Variants in IFT57 observed in about 807,000 individuals in gnomAD.
The protein encoded by IFT57 is intraflagellar transport protein 57 homolog.
A neutral mutation model predicts 56.8 loss-of-function variants in IFT57; 59 were observed. The ratio of observed to expected loss-of-function variants is 1.04; its 90% CI spans 0.84 to 1.29. The LOEUF (loss-of-function observed/expected upper bound fraction) is 1.29, where lower values mean the gene tolerates loss of function less well. Among genes scored for constraint, IFT57 ranks in the 50% most tolerant of loss-of-function variants. The probability of loss-of-function intolerance (pLI) is 0.00; values close to 1 mark genes in which losing one functional copy is unlikely to be tolerated. For synonymous variants in IFT57, 209 were observed against 186.1 expected (o/e 1.12, Z -1.00); for missense variants, 470 against 522.1 (o/e 0.90, Z 0.97).
intron 6 of IFT57, among the ~76,000 whole-genome samples, chr3:108,190,740 T>A (rs1437198575): frequency 2.6e-5 from 4 of 152,232 alleles, no homozygotes; most frequent in African/African-American, 7.2e-5. Flanking sequence ...GGCAAGTTAA[T>A]CTGGTCTAAT....
rs12695179 is a variant in IFT57, at chr3:108,184,100, G to A, written c.777+7421C>T. Among the ~76,000 whole-genome samples the A allele has an allele frequency of 4.6e-3, 705 of 152,252 alleles. 3 individuals are homozygous for A. The highest frequency in any genetic ancestry group is 0.016 in the African/African-American group (668 of 41,552). ...TAGTTTAGGCATCCTCAGACAGTCA[G>A]TTTCTAAGAAATGGACTCCTGAGCC... On this transcript the variant is annotated intron_variant, in intron 6 of 10. Coordinates refer to ENST00000264538, the MANE Select transcript of IFT57 (RefSeq NM_018010.4).
At position 108,166,976 on chromosome 3, in the gene IFT57, C is replaced by A; in HGVS notation, c.859G>T (p.Asp287Tyr). 6.2e-7 allele frequency: 1 copy of A among 1,602,928 alleles called. No homozygotes were observed. The highest frequency in any genetic ancestry group is 1.7e-5 in the Admixed American group (1 of 58,298). ...CTAGTAATTTCATTATGGAGTTTGTCCAAAAATCCCTAGAAATTCCATGGA... is the reference window on the plus strand; with the variant it reads ...CTAGTAATTTCATTATGGAGTTTGTACAAAAATCCCTAGAAATTCCATGGA... ...SALKETKGFL[D>Y]KLHNEITRTL... The change falls in exon 8 of 11, where the codon GAC becomes TAC. Residue 287 changes from aspartate to tyrosine, a missense_variant. Coordinates refer to ENST00000264538, the MANE Select transcript of IFT57 (RefSeq NM_018010.4).
intron 6 of IFT57, among the ~76,000 whole-genome samples, chr3:108,171,806 A>G (rs1191872205): frequency 6.6e-6 from 1 of 151,672 alleles, no homozygotes; most frequent in Non-Finnish European, 1.5e-5. Context: ...TTTTTTTTGA[A>G]AAAGTACTCA....
At chr3:108,213,763 C>T in intron 4 of IFT57, 168 bp downstream of exon 4, 1 of 527,726 alleles carries the variant, frequency 1.9e-6, no homozygotes, top group Non-Finnish European at 3.4e-6. Context: ...CAAACATTAA[C>T]TTAACCAAAG....
At chr3:108,185,527 T>G in intron 6 of IFT57, among the ~76,000 whole-genome samples, 1 of 151,334 alleles carries the variant, frequency 6.6e-6, no homozygotes, top group African/African-American at 2.4e-5. Flanking sequence ...AAGACATTTA[T>G]TACTAAGAGA....
intron 4 of IFT57, among the ~76,000 whole-genome samples, chr3:108,207,603 A>C (rs1409562850): frequency 6.6e-6 from 1 of 152,200 alleles, no homozygotes; most frequent in Non-Finnish European, 1.5e-5. Flanking sequence ...GCTGTAGTAG[A>C]TTTCAAAGAT....
chr3:108,194,631 T>C (rs2080233641), intron 5 of IFT57, among the ~76,000 whole-genome samples: 1 of 152,058 alleles, frequency 6.6e-6, no homozygotes, highest in South Asian at 2.1e-4. Context: ...GGTTCTGGCA[T>C]AAAAACAGAT....
At chr3:108,212,001 G>C (rs1001530545) in intron 4 of IFT57, among the ~76,000 whole-genome samples, 1 of 151,920 alleles carries the variant, frequency 6.6e-6, no homozygotes, top group African/African-American at 2.4e-5. Context: ...ATTTTTTGTA[G>C]AGACAGGGTC....
rs1326940098 is a variant in IFT57 at position 108,219,553 on chromosome 3, T to C, written c.232A>G (p.Thr78Ala). Residue 78 changes from threonine to alanine, a missense_variant, in exon 2 of 11, where the codon ACC becomes GCC. Transcript: ENST00000264538. ...APSRHYFALPTNPGEQFYMFC... is the reference protein window; with the variant it reads ...APSRHYFALPANPGEQFYMFC... ...ATGTAGAACTGTTCGCCAGGGTTGG[T>C]AGGCAGTGCAAAATAGTGTCTGTTT... 1.9e-6 allele frequency: 3 copies of C among 1,613,762 alleles called. No individual in the cohort carries two copies. Among genetic ancestry groups the C allele is most frequent in the East Asian group, 2.2e-5 (1 of 44,876 alleles).
chr3:108,212,235 C>G (rs924796782), intron 4 of IFT57, among the ~76,000 whole-genome samples: 1 of 151,924 alleles, frequency 6.6e-6, no homozygotes, highest in African/African-American at 2.4e-5. Context: ...CCATGCCTGG[C>G]ATTTTTTTCT....
At chr3:108,195,336 A>T (rs1411720011) in intron 5 of IFT57, among the ~76,000 whole-genome samples, 1 of 150,770 alleles carries the variant, frequency 6.6e-6, no homozygotes, top group Non-Finnish European at 1.5e-5. Flanking sequence ...AATGCTGGCA[A>T]GGATATGGAG....
intron 4 of IFT57, among the ~76,000 whole-genome samples, chr3:108,212,177 T>G (rs537084797): frequency 4.6e-5 from 7 of 152,216 alleles, no homozygotes; most frequent in African/African-American, 1.7e-4. Flanking sequence ...AGATGAGGAC[T>G]CACTATAATG....
chr3:108,188,210 C>A (rs1278137446), intron 6 of IFT57, among the ~76,000 whole-genome samples: 1 of 152,144 alleles, frequency 6.6e-6, no homozygotes, highest in Non-Finnish European at 1.5e-5. Flanking sequence ...TGGAGTCCAC[C>A]TCTTCTGGAG....
chr3:108,205,226 G>T (rs2080302786), intron 5 of IFT57, among the ~76,000 whole-genome samples: 1 of 152,056 alleles, frequency 6.6e-6, no homozygotes, highest in South Asian at 2.1e-4. Context: ...CTATGTGACA[G>T]ATATTATTAT....
intron 5 of IFT57, among the ~76,000 whole-genome samples, chr3:108,195,243 T>C (rs1410681279): frequency 6.6e-6 from 1 of 152,078 alleles, no homozygotes; most frequent in Non-Finnish European, 1.5e-5. Flanking sequence ...TCATTACTAA[T>C]CACCAGAGAA....
chr3:108,169,237 T>G (rs327165), intron 6 of IFT57, among the ~76,000 whole-genome samples: 149,821 of 152,122 alleles, frequency 0.98, 73,832 homozygotes, highest in East Asian at 1. Flanking sequence ...TTGTTCTAAT[T>G]AACAGTGGTG....
chr3:108,217,564 G>C (rs1056754830), intron 3 of IFT57, among the ~76,000 whole-genome samples: 2 of 151,358 alleles, frequency 1.3e-5, no homozygotes, highest in African/African-American at 4.8e-5. Context: ...ATTTCATATG[G>C]CTCATCCCAA....
At chr3:108,198,454 T>G (rs979138883) in intron 5 of IFT57, among the ~76,000 whole-genome samples, 2 of 152,220 alleles carry the variant, frequency 1.3e-5, no homozygotes, top group Non-Finnish European at 2.9e-5. Flanking sequence ...TGTTTTGTTT[T>G]GTTTTGAGAC....
chr3:108,184,018 A>T (rs2080165549), intron 6 of IFT57, among the ~76,000 whole-genome samples: 1 of 152,126 alleles, frequency 6.6e-6, no homozygotes, highest in South Asian at 2.1e-4. Flanking sequence ...GGAATTTAAA[A>T]TTTTTTAATT....
Sources: allele counts gnomAD v4.1 joint callset (sites outside exome capture counted in the v4.1 genomes callset), GRCh38; gene constraint gnomAD v4.1.1; transcripts MANE v1.5; gene names NCBI Gene and HGNC (gene_info 2026-07-23, HGNC 2026-07-21).